The following TTLL11 variants were observed in gnomAD, a reference collection of about 807,000 sequenced individuals.
TTLL11 encodes the protein tubulin tyrosine ligase like 11.
A neutral mutation model predicts 51.7 loss-of-function variants in TTLL11; 42 were observed. The observed-to-expected ratio is 0.81, with a 90% CI of 0.64 to 1.05. The LOEUF (loss-of-function observed/expected upper bound fraction) is 1.05. Among genes scored for constraint, TTLL11 ranks in the 50% least tolerant of loss-of-function variants. The pLI, the probability that TTLL11 is intolerant of heterozygous loss-of-function variation, is 0.00. For synonymous variants in TTLL11, 381 were observed against 383.5 expected (o/e 0.99, Z 0.08); for missense variants, 799 against 940.4 (o/e 0.85, Z 1.97).
At chr9:121,834,099 CTG>C (rs2119129683) in intron 8 of TTLL11, among the ~76,000 whole-genome samples, 1 of 152,318 alleles carries the variant, frequency 6.6e-6, no homozygotes, top group East Asian at 1.9e-4. Context: ...TGCTTCCTAT[CTG>C]TGTAGTGAAA....
intron 6 of TTLL11, among the ~76,000 whole-genome samples, chr9:121,944,027 AT>A (rs1448913013): frequency 5.9e-5 from 9 of 152,350 alleles, no homozygotes; most frequent in African/African-American, 1.9e-4. Flanking sequence ...ACATTTACAA[AT>A]TCCTGATCAA....
intron 7 of TTLL11, among the ~76,000 whole-genome samples, chr9:121,865,811 G>T (rs1351482161): frequency 1.3e-5 from 2 of 152,134 alleles, no homozygotes; most frequent in Non-Finnish European, 2.9e-5. Flanking sequence ...TGAAAAGCTG[G>T]TTAGAGAGAG....
rs193268325 is a variant in TTLL11, at chr9:121,895,550, C to T, written c.1482-24802G>A. Among the ~76,000 whole-genome samples the T allele has an allele frequency of 2.8e-5, 4 of 143,688 alleles. No individual in the cohort carries two copies. In the East Asian group the frequency reaches 6.3e-4, roughly 23 times the overall value. 94.3% of individuals were successfully genotyped at this position (143,688 alleles called of 152,430 possible). ...GACTGTGACTGTGTGTTTCGTTGTA[C>T]ATATGTGTGTGTCTGTGTGGTTGTG... On this transcript the variant is annotated intron_variant, in intron 6 of 8. Transcript: ENST00000321582.
At position 121,989,801 on chromosome 9, in the gene TTLL11, A is replaced by G. The variant is rs373716917; in HGVS notation, c.694-31T>C. 14 of 1,559,802 alleles carry G rather than the reference A, an allele frequency of 9.0e-6. No individual in the cohort carries two copies. The African/African-American group carries it at 1.6e-4, about 18-fold the overall frequency. ...GGGGGAAAAAAGGATGGCCGACATT[A>G]TATTGTTTTCCCTCTGGATCCCTAA... On this transcript the variant is annotated intron_variant, in intron 3 of 8. Transcript: ENST00000321582. This position sits in a 1 kb window ranked among gnomAD's most constrained non-coding sequence, Gnocchi z 4.2.
chr9:121,969,160 G>A (rs1267503929), intron 6 of TTLL11, among the ~76,000 whole-genome samples: 4 of 152,090 alleles, frequency 2.6e-5, no homozygotes, highest in Admixed American at 2.0e-4. Context: ...GTGAGCCACC[G>A]TGCCCGGCCT....
Position 122,007,007 on chromosome 9 carries a change from A to C in TTLL11, c.694-17237T>G, listed in dbSNP as rs868194510. Among the ~76,000 whole-genome samples the C allele has an allele frequency of 2.3e-3, 345 of 149,846 alleles. 2 individuals are homozygous for C. The highest frequency in any genetic ancestry group is 6.8e-3 in the Middle Eastern group (2 of 292). ...AAAAAAAAAAAAAAAAAAAAAAAAA[A>C]AACTTTTCCTTATTTTTCTGCTTTA... On this transcript the variant is annotated intron_variant, in intron 3 of 8. Transcript: ENST00000321582.
intron 8 of TTLL11, among the ~76,000 whole-genome samples, chr9:121,825,340 C>T (rs536679135): frequency 1.3e-5 from 2 of 152,268 alleles, no homozygotes; most frequent in South Asian, 2.1e-4. Context: ...ATCTAAACAG[C>T]GCCACTCAAA....
At chr9:121,933,240 G>A (rs776212189) in intron 6 of TTLL11, among the ~76,000 whole-genome samples, 3 of 152,218 alleles carry the variant, frequency 2.0e-5, no homozygotes, top group Non-Finnish European at 2.9e-5. Context: ...GGGAGAAAAT[G>A]CGAGTGGGTA....
chr9:121,857,312 T>A (rs1377413437), intron 8 of TTLL11, among the ~76,000 whole-genome samples: 1 of 152,170 alleles, frequency 6.6e-6, no homozygotes, highest in African/African-American at 2.4e-5. Context: ...CCCCTCTGTA[T>A]CACTTAAGTG....
intron 6 of TTLL11, among the ~76,000 whole-genome samples, chr9:121,908,645 G>C (rs1019520775): frequency 1.3e-5 from 2 of 152,182 alleles, no homozygotes; most frequent in African/African-American, 4.8e-5. Flanking sequence ...TGTCCATCCA[G>C]TTGTTGATTC....
intron 6 of TTLL11, among the ~76,000 whole-genome samples, chr9:121,901,948 T>C (rs1356712896): frequency 6.6e-6 from 1 of 152,142 alleles, no homozygotes; most frequent in African/African-American, 2.4e-5. Context: ...ACATTAAATT[T>C]TTTATTTTTT....
chr9:122,084,647 T>A (rs1250279258), intron 1 of TTLL11, among the ~76,000 whole-genome samples: 1 of 152,218 alleles, frequency 6.6e-6, no homozygotes, highest in Non-Finnish European at 1.5e-5. Context: ...TAAGATGTCA[T>A]AGAGATTCAC....
chr9:121,879,522 G>A (rs1198458067), intron 6 of TTLL11, among the ~76,000 whole-genome samples: 2 of 152,226 alleles, frequency 1.3e-5, no homozygotes, highest in African/African-American at 2.4e-5. Flanking sequence ...TGAGTTAGAA[G>A]GGGCACTAGC....
intron 3 of TTLL11, among the ~76,000 whole-genome samples, chr9:122,017,857 GA>G (rs1031359387): frequency 1.2e-4 from 19 of 152,066 alleles, no homozygotes; most frequent in Non-Finnish European, 2.6e-4. Context: ...GAAGGCTAAA[GA>G]AAAGAATGGA....
chr9:121,985,773 G>A (rs1437567667), intron 4 of TTLL11, among the ~76,000 whole-genome samples: 1 of 152,018 alleles, frequency 6.6e-6, no homozygotes, highest in African/African-American at 2.4e-5. Flanking sequence ...GCCTGCCTCG[G>A]CCTCCCAAAG....
chr9:122,031,153 A>G (rs1844528178), intron 3 of TTLL11, among the ~76,000 whole-genome samples: 1 of 152,204 alleles, frequency 6.6e-6, no homozygotes, highest in Non-Finnish European at 1.5e-5. Context: ...CAAAAATGGC[A>G]GTTCTGAGTT....
chr9:122,054,216 C>T (rs1464768093), intron 1 of TTLL11, among the ~76,000 whole-genome samples: 2 of 151,922 alleles, frequency 1.3e-5, no homozygotes, highest in African/African-American at 4.8e-5. Context: ...CCATCGTCCG[C>T]CTTGCTTCCG....
At chr9:121,831,360 G>A (rs1026040035) in intron 8 of TTLL11, among the ~76,000 whole-genome samples, 1 of 152,162 alleles carries the variant, frequency 6.6e-6, no homozygotes, top group South Asian at 2.1e-4. Flanking sequence ...TGCCAACTTG[G>A]CCATCTCTTG....
chr9:122,066,970 A>G (rs949780878), intron 1 of TTLL11, among the ~76,000 whole-genome samples: 1 of 152,186 alleles, frequency 6.6e-6, no homozygotes, highest in Non-Finnish European at 1.5e-5. Flanking sequence ...CACTATCATG[A>G]GAACAGCATG....
Sources: gnomAD v4.1 joint callset for allele counts (sites outside exome capture counted in the v4.1 genomes callset) on GRCh38, gnomAD v4.1.1 for gene constraint, Gnocchi (gnomAD v3.1) non-coding constraint, MANE v1.5 for transcripts, NCBI Gene and HGNC (gene_info 2026-07-23, HGNC 2026-07-21) for gene names.